The following JAK1 variants were observed in gnomAD, a reference collection of about 807,000 sequenced individuals.
JAK1 encodes the protein Janus kinase 1.
Under a neutral mutation model 136.6 loss-of-function variants are expected in JAK1, and 16 were observed. The observed-to-expected ratio is 0.12, with a 90% CI of 0.08 to 0.18. The LOEUF (loss-of-function observed/expected upper bound fraction) is 0.18, where lower values mean the gene tolerates loss of function less well. Among genes scored for constraint, JAK1 ranks in the 10% least tolerant of loss-of-function variants. The pLI is 1.00. For missense variants in JAK1, 859 were observed against 1,450.1 expected (o/e 0.59, Z 6.62); for synonymous variants, 492 against 519.5 (o/e 0.95, Z 0.72).
rs1410352199 is a variant in JAK1, at chr1:64,913,647, GGAAGGAAA to G, written c.-77-27314_-77-27307del. Among the ~76,000 whole-genome samples the G allele has an allele frequency of 3.6e-4, 33 of 92,604 alleles. 1 individual carries two copies. The highest frequency in any genetic ancestry group is 6.0e-3 in the Middle Eastern group (1 of 168). The allele number at this position is 92,604 out of a possible 152,430, so 60.8% of individuals were successfully genotyped here. On this transcript the variant is annotated intron_variant, in intron 1 of 24. Coordinates refer to ENST00000342505, the MANE Select transcript of JAK1 (RefSeq NM_002227.4). Reference sequence around the variant, plus strand: ...AGGGAGGGAGGGAGGAAGGGAGGAAGGAAGGAAAGAAGGAAGGAAGGAAGGAAGGAAGG... The same window carrying G: ...AGGGAGGGAGGGAGGAAGGGAGGAAGGAAGGAAGGAAGGAAGGAAGGAAGG...
intron 4 of JAK1, among the ~76,000 whole-genome samples, chr1:64,875,627 A>G (rs1354681495): frequency 6.6e-6 from 1 of 152,282 alleles, no homozygotes; most frequent in Non-Finnish European, 1.5e-5. Flanking sequence ...ATGATTCTAT[A>G]CAGCCCATCT....
intron 1 of JAK1, among the ~76,000 whole-genome samples, chr1:65,066,252 G>A (rs1272380320): frequency 6.6e-6 from 1 of 152,132 alleles, no homozygotes; most frequent in Non-Finnish European, 1.5e-5. Context: ...GGTCAGCTGC[G>A]GCCAGGAGCC....
chr1:64,969,539 GA>G (rs1646431509), upstream of JAK1, among the ~76,000 whole-genome samples: 1 of 152,116 alleles, frequency 6.6e-6, no homozygotes, highest in African/African-American at 2.4e-5. Context: ...TGTGGAAGAT[GA>G]ATTGGAGGGC....
At chr1:64,872,128 T>C (rs972106496) in intron 5 of JAK1, among the ~76,000 whole-genome samples, 23 of 152,260 alleles carry the variant, frequency 1.5e-4, no homozygotes, top group Non-Finnish European at 2.8e-4. Flanking sequence ...TCTTTTCAAC[T>C]GAGGCTGAGA....
At chr1:64,906,876 G>A (rs953288033) in intron 1 of JAK1, among the ~76,000 whole-genome samples, 39 of 152,132 alleles carry the variant, frequency 2.6e-4, no homozygotes, top group African/African-American at 9.2e-4. Context: ...GAAAAACGGA[G>A]GAGTGTATAC....
intron 4 of JAK1, chr1:64,876,308 C>T (rs1644666279): frequency 6.6e-6 from 1 of 152,224 alleles, no homozygotes; most frequent in African/African-American, 2.4e-5. Flanking sequence ...CAAACTCCCT[C>T]TGGGCAGAAC....
At chr1:64,880,784 C>T (rs953749474) in intron 3 of JAK1, among the ~76,000 whole-genome samples, 2 of 152,056 alleles carry the variant, frequency 1.3e-5, no homozygotes, top group African/African-American at 4.8e-5. Context: ...GCCTGGCCAA[C>T]ATGGTGAAAC....
intron 2 of JAK1, among the ~76,000 whole-genome samples, chr1:65,021,160 C>A (rs1184171627): frequency 1.3e-5 from 2 of 152,158 alleles, no homozygotes; most frequent in African/African-American, 2.4e-5. Context: ...GAGAACCCAG[C>A]AGAATGGAGC....
intron 2 of JAK1, among the ~76,000 whole-genome samples, chr1:65,010,783 A>G (rs773897940): frequency 1.2e-4 from 18 of 152,174 alleles, no homozygotes; most frequent in Admixed American, 2.0e-4. Flanking sequence ...CAGCTGGGCA[A>G]TATAGTGAGA....
At chr1:64,953,816 C>T (rs867410270) in intron 1 of JAK1, among the ~76,000 whole-genome samples, 3 of 152,042 alleles carry the variant, frequency 2.0e-5, no homozygotes, top group Non-Finnish European at 1.5e-5. Context: ...CGTGCTGCCA[C>T]GCCCAGCTAA....
intron 21 of JAK1, 47 bp downstream of exon 21, chr1:64,838,418 A>G: frequency 6.3e-7 from 1 of 1,599,520 alleles, no homozygotes; most frequent in Non-Finnish European, 8.5e-7. Context: ...TACCCAGGAC[A>G]GAGTGCCTGA....
chr1:64,978,393 A>G (rs1001105993), intron 2 of JAK1, among the ~76,000 whole-genome samples: 1 of 152,264 alleles, frequency 6.6e-6, no homozygotes. Flanking sequence ...AAAGATAAAC[A>G]TTAGTTTATT....
Position 65,015,694 on chromosome 1 carries a change from G to GAAATAGATCTACCCTGC in JAK1, c.-78+28785_-78+28786insGCAGGGTAGATCTATTT, listed in dbSNP as rs1553181420. ...TCAAACAGGTTGAAATTTTAAAACGGAAATATAACTCCAAAAGAATTGGCA... is the reference window on the plus strand; with the variant it reads ...TCAAACAGGTTGAAATTTTAAAACGGAAATAGATCTACCCTGCAAATATAACTCCAAAAGAATTGGCA... On this transcript the variant is annotated intron_variant, in intron 2 of 25. Transcript: ENST00000671954. Among the ~76,000 whole-genome samples, 18 of 152,216 alleles carry GAAATAGATCTACCCTGC rather than the reference G, an allele frequency of 1.2e-4. 1 individual carries two copies. Among genetic ancestry groups the GAAATAGATCTACCCTGC allele is most frequent in the Admixed American group, 3.3e-4 (5 of 15,272 alleles).
intron 24 of JAK1, 21 bp from the exon 25 acceptor site, chr1:64,834,678 C>T (rs746901089): frequency 7.5e-6 from 11 of 1,468,362 alleles, no homozygotes; most frequent in Non-Finnish European, 1.0e-5. Context: ...AAAGAAGTAA[C>T]AACAGTAAAA....
At chr1:65,056,379 C>G (rs900232582) in intron 1 of JAK1, among the ~76,000 whole-genome samples, 4 of 152,188 alleles carry the variant, frequency 2.6e-5, no homozygotes, top group African/African-American at 9.7e-5. Flanking sequence ...AATGGTTCCT[C>G]TTTGGGTAGA....
At chr1:64,839,543 C>T in intron 20 of JAK1, 60 bp downstream of exon 20, 1 of 1,502,716 alleles carries the variant, frequency 6.7e-7, no homozygotes, top group Non-Finnish European at 9.1e-7. Context: ...TTGCACTGGC[C>T]TTTATGACCC....
In JAK1 at chr1:64,844,177, C is replaced by T. The variant is rs1655083068; in HGVS notation, c.2290G>A (p.Val764Ile). 6.2e-7 allele frequency: 1 copy of T among 1,614,134 alleles called. No homozygotes were observed. The highest frequency in any genetic ancestry group is 2.2e-5 in the East Asian group (1 of 44,896). ...ACACTCAGGTTCTTGGAGTCCTCAACACACTCAGGAGCAATCCATGGGATT... is the reference window on the plus strand; with the variant it reads ...ACACTCAGGTTCTTGGAGTCCTCAATACACTCAGGAGCAATCCATGGGATT... The part of the protein sequence containing the change: ...ERIPWIAPEC[V>I]EDSKNLSVAA... Residue 764 changes from valine to isoleucine, a missense_variant, in exon 17 of 25, where the codon GTT becomes ATT. Transcript: ENST00000342505. This position sits in a 1 kb window ranked among gnomAD's most constrained non-coding sequence, Gnocchi z 5.7.
intron 12 of JAK1, among the ~76,000 whole-genome samples, chr1:64,848,492 G>A (rs1655384241): frequency 1.3e-5 from 2 of 151,926 alleles, no homozygotes; most frequent in Admixed American, 6.5e-5. Context: ...GGAGCCTGGG[G>A]TGATGTGTCC....
intron 2 of JAK1, among the ~76,000 whole-genome samples, chr1:64,884,549 T>C (rs1644824443): frequency 6.6e-6 from 1 of 152,068 alleles, no homozygotes; most frequent in African/African-American, 2.4e-5. Context: ...CCTCACCTTA[T>C]CTTCTATCAC....
Sources: allele counts gnomAD v4.1 joint callset (sites outside exome capture counted in the v4.1 genomes callset), GRCh38; gene constraint gnomAD v4.1.1; non-coding constraint Gnocchi (gnomAD v3.1); transcripts MANE v1.5; gene names NCBI Gene and HGNC (gene_info 2026-07-23, HGNC 2026-07-21).